Variants in FERMT1 observed in about 807,000 individuals in gnomAD.
FERMT1 encodes the protein fermitin family homolog 1.
In FERMT1, 60 loss-of-function variants were observed where a neutral mutation model predicts 85.3. The ratio of observed to expected loss-of-function variants is 0.70; its 90% CI spans 0.57 to 0.87. The LOEUF is 0.87. Ranked by LOEUF, FERMT1 falls within the 40% of genes least tolerant of loss-of-function variation. The probability of loss-of-function intolerance (pLI) is 0.00; values close to 1 mark genes in which losing one functional copy is unlikely to be tolerated. For synonymous variants in FERMT1, 275 were observed against 301.1 expected, an observed-to-expected ratio of 0.91 and a Z score of 0.90; for missense variants, 701 against 818.9, an observed-to-expected ratio of 0.86 and a Z score of 1.76.
intron 2 of FERMT1, among the ~76,000 whole-genome samples, chr20:6,118,057 A>G (rs1170373847): frequency 6.6e-6 from 1 of 152,326 alleles, no homozygotes; most frequent in Non-Finnish European, 1.5e-5. Flanking sequence ...TCTGAACTAT[A>G]CCACCCAACA....
At chr20:6,110,554 G>A (rs376335892) in intron 4 of FERMT1, 43 bp from the exon 5 acceptor site, 3 of 1,426,612 alleles carry the variant, frequency 2.1e-6, no homozygotes, top group African/African-American at 1.4e-5. Flanking sequence ...GAGAATCCAG[G>A]GATATAAATC....
At chr20:6,084,695 CT>C (rs35916682) in intron 12 of FERMT1, among the ~76,000 whole-genome samples, 23,768 of 144,068 alleles carry the variant, frequency 0.16, 2,235 homozygotes, top group African/African-American at 0.28. Context: ...GGAATTACTC[CT>C]TTTTTTTTTT....
At chr20:6,116,947 G>T (rs947184131) in intron 2 of FERMT1, among the ~76,000 whole-genome samples, 5 of 152,160 alleles carry the variant, frequency 3.3e-5, no homozygotes, top group Non-Finnish European at 5.9e-5. Context: ...TGTCACAAGG[G>T]AGTAGCAATA....
intron 6 of FERMT1, among the ~76,000 whole-genome samples, chr20:6,100,653 G>A (rs1982637577): frequency 6.6e-6 from 1 of 152,150 alleles, no homozygotes. Flanking sequence ...GAAAAACCAT[G>A]ACTATTATTA....
intron 9 of FERMT1, among the ~76,000 whole-genome samples, chr20:6,090,900 G>C (rs374653218): frequency 6.6e-6 from 1 of 151,822 alleles, no homozygotes; most frequent in East Asian, 2.0e-4. Context: ...GCGGTGGCTC[G>C]TGTCTGTAAT....
At chr20:6,090,014 G>A (rs1982306764) in intron 9 of FERMT1, among the ~76,000 whole-genome samples, 1 of 152,206 alleles carries the variant, frequency 6.6e-6, no homozygotes, top group Admixed American at 6.5e-5. Flanking sequence ...ATCAAGAATG[G>A]GAGAAGAAAG....
Position 6,076,775 on chromosome 20 carries a change from T to G in FERMT1, c.*398A>C, listed in dbSNP as rs1981834938. 3.0e-6 allele frequency: 1 copy of G among 338,746 alleles called. No individual in the cohort carries two copies. Among genetic ancestry groups the G allele is most frequent in the African/African-American group, 2.1e-5 (1 of 46,906 alleles). The allele number at this position is 338,746 out of a possible 1,614,324, so 21.0% of individuals were successfully genotyped here. ...TGAGTTTGTGAAATAAGAGTTGTTC[T>G]TGCTACACGTGATTTTTACCTTTCT... On this transcript the variant is annotated 3_prime_UTR_variant, in exon 15 of 15. Coordinates refer to ENST00000217289, the MANE Select transcript of FERMT1 (RefSeq NM_017671.5).
chr20:6,094,670 T>C (rs1982454525), intron 9 of FERMT1, among the ~76,000 whole-genome samples: 1 of 152,200 alleles, frequency 6.6e-6, no homozygotes. Flanking sequence ...ATTATTTCAT[T>C]GAATCCTCCC....
In FERMT1 at chr20:6,098,300, T is replaced by C. The variant is rs1600437326; in HGVS notation, c.850-669A>G. ...TCCCCATGCTGATCTGCAAGCCCAG[T>C]GCAATCCCAAGCAGAATCCGATAGG... On this transcript the variant is annotated intron_variant, in intron 6 of 14. Coordinates refer to ENST00000217289, the MANE Select transcript of FERMT1 (RefSeq NM_017671.5). Among the ~76,000 whole-genome samples the C allele has an allele frequency of 3.9e-5, 6 of 152,258 alleles. No individual in the cohort carries two copies. The East Asian group carries it at 1.2e-3, about 29-fold the overall frequency.
intron 5 of FERMT1, 151 bp downstream of exon 5, chr20:6,110,147 G>C: frequency 1.4e-6 from 1 of 709,340 alleles, no homozygotes; most frequent in Non-Finnish European, 2.5e-6. Flanking sequence ...ACCAAAGGCT[G>C]AATTTTTCCC....
chr20:6,082,033 CAG>C (rs1246377013), intron 13 of FERMT1, among the ~76,000 whole-genome samples: 2 of 152,162 alleles, frequency 1.3e-5, no homozygotes, highest in Non-Finnish European at 2.9e-5. Flanking sequence ...CGGGTGTGGG[CAG>C]ATCCCGATTC....
chr20:6,110,348 C>G lies in FERMT1; in HGVS notation c.696G>C (p.Ala232=). The G allele has an allele frequency of 6.2e-7, 1 of 1,613,702 alleles. No individual in the cohort carries two copies. Among genetic ancestry groups the G allele is most frequent in the Non-Finnish European group, 8.5e-7 (1 of 1,179,882 alleles). Residue 232 remains alanine, a synonymous_variant, in exon 5 of 15, where the codon GCG becomes GCC. Coordinates refer to ENST00000217289, the MANE Select transcript of FERMT1 (RefSeq NM_017671.5). The stretch of plus-strand genomic sequence containing the variant: ...CCAGAGACCGAGGCTGGTACATATC[C>G]GCAAGTGCTTCTGGGGACTGGGGGG... ...SQPPQSPEAL[A]DMYQPRSLVD...
At position 6,089,044 on chromosome 20, in the gene FERMT1, G is replaced by C; in HGVS notation, c.1185C>G (p.Ile395Met). ...LPKAFKQYWF[I>M]FKDTSIAYFK... ...AGTATGCTATGGATGTGTCTTTAAA[G>C]ATAAACCAATATTGTTTGAAAGCTT... is the stretch of plus-strand genomic sequence containing the variant. Residue 395 changes from isoleucine to methionine, a missense_variant, in exon 10 of 15, where the codon ATC becomes ATG. By Grantham distance (10) the Ile-to-Met change is conservative. Transcript: ENST00000217289. The C allele has an allele frequency of 1.2e-6, 2 of 1,611,534 alleles. No homozygotes were observed. Among genetic ancestry groups the C allele is most frequent in the Middle Eastern group, 3.3e-4 (2 of 6,054 alleles).
Position 6,089,990 on chromosome 20 carries a change from G to T in FERMT1, c.1140-901C>A, listed in dbSNP as rs1415347887. ...CAGATCAGGGTATCTCATGCCAGAG[G>T]GGCGGACTTCTGCATCAAGAATGGG... On this transcript the variant is annotated intron_variant, in intron 9 of 14. Coordinates refer to ENST00000217289, the MANE Select transcript of FERMT1 (RefSeq NM_017671.5). Among the ~76,000 whole-genome samples the T allele has an allele frequency of 2.0e-5, 3 of 152,214 alleles. No homozygotes were observed. In the East Asian group the frequency reaches 5.8e-4, roughly 29 times the overall value.
chr20:6,095,387 C>A (rs1982473313), intron 8 of FERMT1, among the ~76,000 whole-genome samples: 1 of 152,170 alleles, frequency 6.6e-6, no homozygotes, highest in South Asian at 2.1e-4. Context: ...AAAAGTGGAT[C>A]AAGTACTCCC....
At chr20:6,114,015 T>C (rs1261438239) in intron 3 of FERMT1, among the ~76,000 whole-genome samples, 1 of 152,196 alleles carries the variant, frequency 6.6e-6, no homozygotes, top group African/African-American at 2.4e-5. Flanking sequence ...ACCAATTAAT[T>C]TGGACTTTTA....
intron 11 of FERMT1, among the ~76,000 whole-genome samples, chr20:6,086,447 CA>C (rs1234948328): frequency 1.1e-4 from 17 of 152,118 alleles, no homozygotes; most frequent in Non-Finnish European, 1.8e-4. Flanking sequence ...AGGGAGTGAA[CA>C]GGGGTGGTCC....
intron 1 of FERMT1, among the ~76,000 whole-genome samples, chr20:6,122,481 A>G (rs1294057472): frequency 6.6e-6 from 1 of 152,148 alleles, no homozygotes; most frequent in African/African-American, 2.4e-5. Flanking sequence ...TTCGAAGGCC[A>G]CCCGACCTGT....
At chr20:6,099,886 C>T (rs992021861) in intron 6 of FERMT1, among the ~76,000 whole-genome samples, 1 of 149,674 alleles carries the variant, frequency 6.7e-6, no homozygotes, top group Non-Finnish European at 1.5e-5. Flanking sequence ...CTTGTTCCAG[C>T]TACTCAGGAG....
Sources: allele counts gnomAD v4.1 joint callset (sites outside exome capture counted in the v4.1 genomes callset), GRCh38; gene constraint gnomAD v4.1.1; transcripts MANE v1.5; gene names NCBI Gene and HGNC (gene_info 2026-07-23, HGNC 2026-07-21).